BCR: variants seen among roughly 807,000 people sequenced by gnomAD.
BCR encodes breakpoint cluster region protein.
In BCR, 58 loss-of-function variants were observed where a neutral mutation model predicts 138.6. That is an observed-to-expected ratio of 0.42 (90% CI 0.34 to 0.52). The LOEUF (loss-of-function observed/expected upper bound fraction) is 0.52. Ranked by LOEUF, BCR falls within the 20% of genes least tolerant of loss-of-function variation. The pLI, the probability that BCR is intolerant of heterozygous loss-of-function variation, is 0.06. For synonymous variants in BCR, 786 were observed against 730.1 expected, an observed-to-expected ratio of 1.08 and a Z score of -1.23; for missense variants, 1,599 against 1,727.2, an observed-to-expected ratio of 0.93 and a Z score of 1.32.
intron 1 of BCR, among the ~76,000 whole-genome samples, chr22:23,219,818 C>T (rs1385830759): frequency 6.6e-6 from 1 of 152,188 alleles, no homozygotes; most frequent in Non-Finnish European, 1.5e-5. Flanking sequence ...CACTATTATC[C>T]CACCCCATGT....
intron 13 of BCR, 43 bp from the exon 14 acceptor site, chr22:23,290,296 T>C (rs1568976124): frequency 6.3e-7 from 1 of 1,585,944 alleles, no homozygotes; most frequent in Admixed American, 1.7e-5. Context: ...CTGCCTCCCT[T>C]TCCCGGGACA....
intron 1 of BCR, among the ~76,000 whole-genome samples, chr22:23,230,258 T>A (rs993808070): frequency 1.3e-5 from 2 of 152,182 alleles, no homozygotes; most frequent in Non-Finnish European, 2.9e-5. Flanking sequence ...TTTGTACCTG[T>A]GGATAGTGGG....
Position 23,182,033 on chromosome 22 carries a change from C to A in BCR, c.1073C>A (p.Thr358Asn). The A allele has an allele frequency of 6.2e-7, 1 of 1,613,596 alleles. No individual in the cohort carries two copies. Among genetic ancestry groups the A allele is most frequent in the Non-Finnish European group, 8.5e-7 (1 of 1,179,808 alleles). The change falls in exon 1 of 23, where the codon ACC (threonine) becomes AAC (asparagine). Residue 358 changes from threonine (T) to asparagine (N), a missense_variant. Around this residue, in one of 4 missense-constraint regions of BCR, gnomAD observed 806 missense variants for 635.0 expected, o/e 1.27. Coordinates refer to ENST00000305877, the MANE Select transcript of BCR (RefSeq NM_004327.4). ...TCCAGCCGCGTGTCCCCAAGCCCCA[C>A]CACCTACCGCATGTTCCGGGACAAA... Reference protein sequence around the residue: ...GQSSRVSPSPTTYRMFRDKSR... With the variant: ...GQSSRVSPSPNTYRMFRDKSR...
At chr22:23,297,210 T>G (rs982102135) in intron 16 of BCR, among the ~76,000 whole-genome samples, 1 of 111,340 alleles carries the variant, frequency 9.0e-6, no homozygotes, top group African/African-American at 4.2e-5. Flanking sequence ...CTAAGTTGTT[T>G]TTTGTTTTTT....
At chr22:23,196,353 A>G (rs1436505585) in intron 1 of BCR, among the ~76,000 whole-genome samples, 1 of 152,164 alleles carries the variant, frequency 6.6e-6, no homozygotes. Flanking sequence ...CGGTAACATA[A>G]GGCAGGTGGC....
At chr22:23,254,569 G>A (rs569323943) in intron 2 of BCR, 44 of 518,530 alleles carry the variant, frequency 8.5e-5, no homozygotes, top group African/African-American at 4.8e-4. Context: ...GTGGACCCAC[G>A]CCCCCCCTCA....
At chr22:23,274,998 G>A (rs973821700) in intron 8 of BCR, among the ~76,000 whole-genome samples, 1 of 151,960 alleles carries the variant, frequency 6.6e-6, no homozygotes, top group Non-Finnish European at 1.5e-5. Context: ...CAAGGACACG[G>A]GCCCTGTCCT....
At chr22:23,291,421 A>T (rs1343186034) in intron 14 of BCR, among the ~76,000 whole-genome samples, 1 of 152,020 alleles carries the variant, frequency 6.6e-6, no homozygotes, top group East Asian at 1.9e-4. Flanking sequence ...CTTGGAATGG[A>T]TGAATTACAT....
At chr22:23,196,433 A>T (rs533186147) in intron 1 of BCR, among the ~76,000 whole-genome samples, 3 of 152,252 alleles carry the variant, frequency 2.0e-5, no homozygotes, top group Non-Finnish European at 4.4e-5. Context: ...CCTGTTTCTT[A>T]GGGGACGAGG....
At chr22:23,200,446 C>T (rs2072539443) in intron 1 of BCR, among the ~76,000 whole-genome samples, 1 of 152,064 alleles carries the variant, frequency 6.6e-6, no homozygotes, top group Non-Finnish European at 1.5e-5. Flanking sequence ...TCTCAAGTAG[C>T]TGGGACTACA....
Position 23,315,451 on chromosome 22 carries a change from T to G in BCR, c.3745T>G (p.Phe1249Val). 6.2e-7 allele frequency: 1 copy of G among 1,613,506 alleles called. No homozygotes were observed. The highest frequency in any genetic ancestry group is 8.5e-7 in the Non-Finnish European group (1 of 1,179,936). ...CGGGCAGGTCCAGGTGCTGCTGTAC[T>G]TCCTGCAGCTGGAGGCCATCCCTGC... ...VMSQVQVLLYFLQLEAIPAPD... is the reference protein window; with the variant it reads ...VMSQVQVLLYVLQLEAIPAPD... The change falls in exon 23 of 23, where the codon TTC (phenylalanine) becomes GTC (valine). Residue 1249 changes from phenylalanine to valine, a missense_variant. Physicochemically the swap from Phe to Val is conservative, Grantham distance 50 (BLOSUM62 -1). This residue lies in a region of BCR where 177 missense variants were observed against 226.4 expected (regional missense o/e 0.78). Coordinates refer to ENST00000305877, the MANE Select transcript of BCR (RefSeq NM_004327.4).
intron 1 of BCR, among the ~76,000 whole-genome samples, chr22:23,232,400 C>T (rs2072969268): frequency 6.6e-6 from 1 of 152,240 alleles, no homozygotes; most frequent in Admixed American, 6.5e-5. Context: ...CTGCACTGCC[C>T]AGCTCATGAA....
At chr22:23,271,260 C>T (rs999021536) in intron 5 of BCR, among the ~76,000 whole-genome samples, 20 of 152,316 alleles carry the variant, frequency 1.3e-4, no homozygotes, top group African/African-American at 4.6e-4. Flanking sequence ...CCTAAGGTGC[C>T]CAGGACAGCT....
At chr22:23,249,300 C>T (rs747240748) in intron 1 of BCR, among the ~76,000 whole-genome samples, 1 of 151,950 alleles carries the variant, frequency 6.6e-6, no homozygotes, top group African/African-American at 2.4e-5. Flanking sequence ...GGCGTGGTGG[C>T]GCACGCCTGT....
At chr22:23,199,317 C>T (rs770919930) in intron 1 of BCR, 6 of 518,776 alleles carry the variant, frequency 1.2e-5, no homozygotes, top group Non-Finnish European at 2.3e-5. Context: ...CTGGGTCCCG[C>T]CATGCCTGTG....
chr22:23,239,989 A>G (rs1248733253), intron 1 of BCR, among the ~76,000 whole-genome samples: 1 of 151,850 alleles, frequency 6.6e-6, no homozygotes, highest in East Asian at 1.9e-4. Flanking sequence ...GCTAATTTTT[A>G]TATTTTTTTG....
intron 4 of BCR, chr22:23,263,167 A>AGGC (rs1461847452): frequency 1.3e-6 from 1 of 776,716 alleles, no homozygotes; most frequent in Non-Finnish European, 2.0e-6. Flanking sequence ...GAGGAGGAGG[A>AGGC]GGCGGCTCGG....
chr22:23,225,294 G>A (rs1248465076), intron 1 of BCR, among the ~76,000 whole-genome samples: 6 of 151,950 alleles, frequency 3.9e-5, no homozygotes, highest in South Asian at 2.1e-4. Flanking sequence ...CCAGAGTAGC[G>A]TGCATGGTGA....
At chr22:23,311,934 C>T (rs1409743024) in intron 19 of BCR, 98 bp downstream of exon 19, 1 of 1,511,056 alleles carries the variant, frequency 6.6e-7, no homozygotes, top group East Asian at 2.3e-5. Flanking sequence ...TCACATCCTT[C>T]TCTGTGTCTT....
Sources: gnomAD v4.1 joint callset for allele counts (sites outside exome capture counted in the v4.1 genomes callset) on GRCh38, gnomAD v4.1.1 for gene constraint, gnomAD v4.1.1 regional missense constraint, MANE v1.5 for transcripts, NCBI Gene and HGNC (gene_info 2026-07-23, HGNC 2026-07-21) for gene names.